The following UBN2 variants were observed in gnomAD, a reference collection of about 807,000 sequenced individuals.
UBN2 encodes ubinuclein 2, also known as ubinuclein-2.
Under a neutral mutation model 120.2 loss-of-function variants are expected in UBN2, and 35 were observed. The ratio of observed to expected loss-of-function variants is 0.29; its 90% CI spans 0.22 to 0.39. The LOEUF (loss-of-function observed/expected upper bound fraction) is 0.39. Among genes scored for constraint, UBN2 ranks in the 10% least tolerant of loss-of-function variants. The pLI, the probability that UBN2 is intolerant of heterozygous loss-of-function variation, is 1.00. For missense variants in UBN2, 1,693 were observed against 1,663.2 expected, an observed-to-expected ratio of 1.02 and a Z score of -0.31; for synonymous variants, 661 against 648.7, an observed-to-expected ratio of 1.02 and a Z score of -0.29.
chr7:139,282,058 A>G lies in UBN2; in HGVS notation c.2118+3A>G, dbSNP rs1797628871. ...ATTCTTTCCCCACTATGCTTAAGGTAAGTGCTATGGTTGTATCAATCAGTA... is the reference window on the plus strand; with the variant it reads ...ATTCTTTCCCCACTATGCTTAAGGTGAGTGCTATGGTTGTATCAATCAGTA... On this transcript the variant is annotated splice_donor_region_variant and intron_variant, in intron 14 of 17. Coordinates refer to ENST00000473989, the MANE Select transcript of UBN2 (RefSeq NM_173569.4). 2 of 1,613,140 alleles carry G rather than the reference A, an allele frequency of 1.2e-6. No individual in the cohort carries two copies. Among genetic ancestry groups the G allele is most frequent in the Admixed American group, 1.7e-5 (1 of 59,992 alleles).
chr7:139,282,243 T>C (rs1797635940), intron 14 of UBN2, among the ~76,000 whole-genome samples, 188 bp downstream of exon 14: 1 of 152,208 alleles, frequency 6.6e-6, no homozygotes. Context: ...TTAAATTATT[T>C]TGCTCTTTGA....
chr7:139,297,184 A>G (rs1239511012), intron 17 of UBN2, among the ~76,000 whole-genome samples: 1 of 141,770 alleles, frequency 7.1e-6, no homozygotes. Flanking sequence ...ACAGAGCGAG[A>G]CTCCGTCTCA....
At chr7:139,328,859 G>GAA in the UBN2 span, among the ~76,000 whole-genome samples, 81 of 114,930 alleles carry the variant, frequency 7.0e-4, no homozygotes, top group African/African-American at 1.0e-3. Context: ...CCTGTCTCAA[G>GAA]AAAAAAAAAA....
At chr7:139,320,644 G>A in the UBN2 span, among the ~76,000 whole-genome samples, 1 of 152,048 alleles carries the variant, frequency 6.6e-6, no homozygotes, top group African/African-American at 2.4e-5. Context: ...GATCACTTGC[G>A]GTCAGACGTT....
intron 15 of UBN2, among the ~76,000 whole-genome samples, chr7:139,289,272 C>T (rs911412244): frequency 2.0e-5 from 3 of 152,070 alleles, no homozygotes; most frequent in Admixed American, 2.0e-4. Flanking sequence ...CTGATGCTTC[C>T]ATTTATATTT....
the UBN2 span, among the ~76,000 whole-genome samples, chr7:139,325,214 C>A: frequency 8.2e-5 from 12 of 147,072 alleles, no homozygotes; most frequent in East Asian, 2.0e-4. Context: ...AGGAACAAGA[C>A]TTTTACTGAT....
rs1167944116 is a variant in UBN2, at chr7:139,298,619, T to A, written c.*783T>A. ...CAGGTACTTAACTCTTTTCTTCAGG[T>A]GATTTGTGCATCTAGTATTGACTGG... On this transcript the variant is annotated 3_prime_UTR_variant, in exon 18 of 18. Transcript: ENST00000473989. 2.0e-5 allele frequency: 3 copies of A among 152,060 alleles called. No homozygotes were observed. The highest frequency in any genetic ancestry group is 4.4e-5 in the Non-Finnish European group (3 of 68,008). The allele number at this position is 152,060 out of a possible 1,614,324, so 9.4% of individuals were successfully genotyped here.
intron 11 of UBN2, among the ~76,000 whole-genome samples, chr7:139,274,671 A>T (rs1043006886): frequency 1.3e-5 from 2 of 152,026 alleles, no homozygotes; most frequent in South Asian, 2.1e-4. Flanking sequence ...CTGAGACAGG[A>T]GAATCGCTTG....
chr7:139,274,142 C>A, intron 11 of UBN2, 68 bp downstream of exon 11: 1 of 1,414,202 alleles, frequency 7.1e-7, no homozygotes, highest in Non-Finnish European at 9.4e-7. Flanking sequence ...GATATACATA[C>A]ACATACACAT....
In UBN2 at chr7:139,299,550, C is replaced by G. The variant is rs1798205409; in HGVS notation, c.*1714C>G. ...GAAAAAGTTAATAAATAACTGAAAACTTTAGTTCCAAGAACTTGTTACAGT... is the reference window on the plus strand; with the variant it reads ...GAAAAAGTTAATAAATAACTGAAAAGTTTAGTTCCAAGAACTTGTTACAGT... On this transcript the variant is annotated 3_prime_UTR_variant, in exon 18 of 18. Transcript: ENST00000473989. 6.6e-6 allele frequency: 1 copy of G among 152,082 alleles called. No individual in the cohort carries two copies. 9.4% of individuals were successfully genotyped at this position (152,082 alleles called of 1,614,324 possible).
rs1796212831 is a variant in UBN2, at chr7:139,238,025, AT to A, written c.561+933del. Among the ~76,000 whole-genome samples, 2 of 152,164 alleles carry A rather than the reference AT, an allele frequency of 1.3e-5. 1 individual carries two copies. The highest frequency in any genetic ancestry group is 4.1e-4 in the South Asian group (2 of 4,832). ...TAATTACCTGATTAAGTTGCTTAAC[AT>A]TTTTCTCAAATTTTCTAGTATTACT... On this transcript the variant is annotated intron_variant, in intron 2 of 17. Transcript: ENST00000473989.
chr7:139,252,158 T>C, intron 3 of UBN2, 101 bp downstream of exon 3: 2 of 972,156 alleles, frequency 2.1e-6, no homozygotes, highest in Non-Finnish European at 3.1e-6. Flanking sequence ...ATGTTTTTAT[T>C]TGTGCTTTTT....
intron 2 of UBN2, among the ~76,000 whole-genome samples, chr7:139,241,668 G>A (rs1223167719): frequency 2.6e-5 from 4 of 152,074 alleles, no homozygotes; most frequent in South Asian, 4.1e-4. Flanking sequence ...AAATACTCTT[G>A]ATTTTCTTGA....
intron 2 of UBN2, among the ~76,000 whole-genome samples, chr7:139,243,271 TAG>T (rs1796371860): frequency 6.6e-6 from 1 of 152,210 alleles, no homozygotes; most frequent in African/African-American, 2.4e-5. Flanking sequence ...TTCTTCACTT[TAG>T]ATATAGCAAA....
At chr7:139,329,512 A>T in the UBN2 span, among the ~76,000 whole-genome samples, 1 of 152,178 alleles carries the variant, frequency 6.6e-6, no homozygotes, top group Non-Finnish European at 1.5e-5. Context: ...TATATTCAGT[A>T]TTGAGCCCCA....
intron 7 of UBN2, among the ~76,000 whole-genome samples, chr7:139,269,193 G>C (rs926814038): frequency 1.3e-5 from 2 of 152,100 alleles, no homozygotes; most frequent in Non-Finnish European, 1.5e-5. Context: ...TGGGCTACAA[G>C]AACAAAACTC....
chr7:139,272,591 A>G (rs900549811), intron 9 of UBN2, 151 bp downstream of exon 9: 7 of 589,584 alleles, frequency 1.2e-5, no homozygotes, highest in African/African-American at 5.8e-5. Context: ...GAATGGTACG[A>G]TTTCGGCTCA....
chr7:139,254,301 CAA>C (rs971384690), intron 3 of UBN2, among the ~76,000 whole-genome samples: 1 of 148,796 alleles, frequency 6.7e-6, no homozygotes, highest in South Asian at 2.1e-4. Flanking sequence ...TCAAAAAAAA[CAA>C]AAAAAAAATT....
At position 139,283,663 on chromosome 7, in the gene UBN2, G is replaced by A. The variant is rs1327922806; in HGVS notation, c.2758G>A (p.Ala920Thr). Residue 920 changes from alanine (A) to threonine (T), a missense_variant, in exon 15 of 18, where the codon GCT becomes ACT. Around this residue, in one of 5 missense-constraint regions of UBN2, gnomAD observed 837 missense variants for 817.6 expected, o/e 1.02. Coordinates refer to ENST00000473989, the MANE Select transcript of UBN2 (RefSeq NM_173569.4). ...HALGTSEAQD[A>T]SSLTQVTKVH... ...TCTGGGAACATCCGAGGCCCAAGAT[G>A]CTTCTTCGTTAACACAAGTAACAAA... 6.2e-7 allele frequency: 1 copy of A among 1,614,108 alleles called. No homozygotes were observed. Among genetic ancestry groups the A allele is most frequent in the Admixed American group, 1.7e-5 (1 of 60,022 alleles).
Sources: gnomAD v4.1 joint callset for allele counts (sites outside exome capture counted in the v4.1 genomes callset) on GRCh38, gnomAD v4.1.1 for gene constraint, gnomAD v4.1.1 regional missense constraint, MANE v1.5 for transcripts, NCBI Gene and HGNC (gene_info 2026-07-23, HGNC 2026-07-21) for gene names.